Variants in SLC9C1 observed in about 807,000 individuals in gnomAD.
SLC9C1 encodes the protein solute carrier family 9 member C1, also known as sodium/hydrogen exchanger 10.
A neutral mutation model predicts 140.9 loss-of-function variants in SLC9C1; 97 were observed. The ratio of observed to expected loss-of-function variants is 0.69; its 90% CI spans 0.58 to 0.82. The LOEUF is 0.82. Ranked by LOEUF, SLC9C1 falls within the 40% of genes least tolerant of loss-of-function variation. SLC9C1 has a pLI of 0.00. For synonymous variants in SLC9C1, 440 were observed against 442.6 expected, an observed-to-expected ratio of 0.99 and a Z score of 0.07; for missense variants, 1,340 against 1,389.3, an observed-to-expected ratio of 0.96 and a Z score of 0.56.
intron 2 of SLC9C1, among the ~76,000 whole-genome samples, chr3:112,283,944 T>C (rs987147473): frequency 6.6e-6 from 1 of 152,154 alleles, no homozygotes; most frequent in African/African-American, 2.4e-5. Context: ...GTTCAGTTCA[T>C]GCACAGATAG....
At chr3:112,180,726 A>C in intron 21 of SLC9C1, 64 bp from the exon 22 acceptor site, 1 of 1,385,988 alleles carries the variant, frequency 7.2e-7, no homozygotes, top group East Asian at 2.4e-5. Flanking sequence ...GGAATGTTAA[A>C]ATTTGCATTT....
intron 14 of SLC9C1, among the ~76,000 whole-genome samples, chr3:112,219,754 T>C (rs1315628428): frequency 2.0e-5 from 3 of 152,074 alleles, no homozygotes; most frequent in Non-Finnish European, 4.4e-5. Flanking sequence ...AATTTTTTTG[T>C]ATTTTTAGTA....
chr3:112,204,479 C>T (rs887863377), intron 16 of SLC9C1, 76 bp from the exon 17 acceptor site: 1 of 1,455,270 alleles, frequency 6.9e-7, no homozygotes, highest in African/African-American at 1.5e-5. Flanking sequence ...ATAATTTAAA[C>T]ATCATGTTAG....
intron 10 of SLC9C1, among the ~76,000 whole-genome samples, chr3:112,255,896 A>G (rs903834111): frequency 6.6e-6 from 1 of 152,176 alleles, no homozygotes; most frequent in East Asian, 1.9e-4. Context: ...GACAAAGTGT[A>G]TGCTACCACT....
intron 10 of SLC9C1, 24 bp from the exon 11 acceptor site, chr3:112,244,100 T>TATGGTAAAG: frequency 6.9e-7 from 1 of 1,444,070 alleles, no homozygotes; most frequent in Non-Finnish European, 9.6e-7. Context: ...AAATACAAAG[T>TATGGTAAAG]AAGTATTCAT....
chr3:112,151,800 T>C, intron 28 of SLC9C1, 57 bp downstream of exon 28: 1 of 1,408,656 alleles, frequency 7.1e-7, no homozygotes, highest in Non-Finnish European at 9.9e-7. Flanking sequence ...GGCTTCAGTC[T>C]GTATCTCCAG....
At chr3:112,284,987 T>TTTTC (rs1553707436) in intron 2 of SLC9C1, among the ~76,000 whole-genome samples, 7 of 131,072 alleles carry the variant, frequency 5.3e-5, no homozygotes, top group East Asian at 2.2e-4. Flanking sequence ...CAATTTTTCT[T>TTTTC]TTTTTTTTTT....
chr3:112,208,083 CA>C (rs2078105512), intron 16 of SLC9C1, 94 bp downstream of exon 16: 2 of 1,003,726 alleles, frequency 2.0e-6, no homozygotes, highest in South Asian at 4.6e-5. Context: ...TACACTCCTT[CA>C]GAAAATTGTC....
intron 15 of SLC9C1, among the ~76,000 whole-genome samples, chr3:112,211,540 C>A (rs13327160): frequency 7.9e-5 from 12 of 152,016 alleles, no homozygotes; most frequent in African/African-American, 2.9e-4. Flanking sequence ...TCTTAGCAAA[C>A]GGCACACCAG....
chr3:112,271,410 T>TATATATATATATATATATATATATATATA (rs1553704077), intron 6 of SLC9C1, among the ~76,000 whole-genome samples: 3 of 148,226 alleles, frequency 2.0e-5, no homozygotes, highest in Non-Finnish European at 4.5e-5. Flanking sequence ...TATATATATA[T>TATATATATATATATATATATATATATATA]CAAAGCCTCA....
chr3:112,189,454 C>T (rs1315392361), intron 20 of SLC9C1, among the ~76,000 whole-genome samples: 1 of 152,190 alleles, frequency 6.6e-6, no homozygotes, highest in African/African-American at 2.4e-5. Context: ...ATATGGCCAG[C>T]CAGTTTTCCC....
intron 27 of SLC9C1, among the ~76,000 whole-genome samples, chr3:112,153,710 A>G (rs1035891992): frequency 1.3e-5 from 2 of 152,166 alleles, no homozygotes; most frequent in African/African-American, 2.4e-5. Context: ...TCTTTTATAG[A>G]TGAAAAAATG....
chr3:112,229,365 G>A (rs12491362), intron 13 of SLC9C1, among the ~76,000 whole-genome samples: 90,295 of 151,806 alleles, frequency 0.59, 27,313 homozygotes, highest in East Asian at 0.79. Flanking sequence ...ATAAAGGTTT[G>A]AAGTGATCTA....
chr3:112,292,174 T>C lies in SLC9C1; in HGVS notation c.-88+1919A>G, dbSNP rs547396045. ...AATAACTAATGGGTGCCAGGCTTAATAGCTGGGTGATTAAATAATTTGTAC... is the reference window on the plus strand; with the variant it reads ...AATAACTAATGGGTGCCAGGCTTAACAGCTGGGTGATTAAATAATTTGTAC... On this transcript the variant is annotated intron_variant, in intron 1 of 28. Coordinates refer to ENST00000305815, the MANE Select transcript of SLC9C1 (RefSeq NM_183061.3). Among the ~76,000 whole-genome samples, 391 of 152,310 alleles carry C rather than the reference T, an allele frequency of 2.6e-3. 1 individual carries two copies. Among genetic ancestry groups the C allele is most frequent in the Non-Finnish European group, 4.6e-3 (312 of 68,020 alleles).
At chr3:112,255,715 G>T (rs1427298821) in intron 10 of SLC9C1, among the ~76,000 whole-genome samples, 1 of 152,056 alleles carries the variant, frequency 6.6e-6, no homozygotes, top group Non-Finnish European at 1.5e-5. Context: ...CAGAAGATAA[G>T]AAATAACCAA....
chr3:112,141,161 C>T lies in SLC9C1; in HGVS notation c.*111G>A. On this transcript the variant is annotated 3_prime_UTR_variant, in exon 29 of 29. Transcript: ENST00000305815. ...TTCTGCTTAGCACCAAGATCATCCA[C>T]ACAGGATCCAACCTGAAGTTACTCC... 8.5e-7 allele frequency: 1 copy of T among 1,176,298 alleles called. No individual in the cohort carries two copies. The highest frequency in any genetic ancestry group is 1.1e-6 in the Non-Finnish European group (1 of 878,144). The allele number at this position is 1,176,298 out of a possible 1,614,324, so 72.9% of individuals were successfully genotyped here.
intron 11 of SLC9C1, among the ~76,000 whole-genome samples, chr3:112,242,672 A>G (rs2079168480): frequency 1.3e-5 from 2 of 152,126 alleles, no homozygotes; most frequent in Admixed American, 1.3e-4. Context: ...AAATAACTAA[A>G]AGAGCACAAT....
chr3:112,281,386 G>A (rs979064672), intron 2 of SLC9C1, among the ~76,000 whole-genome samples: 1 of 152,148 alleles, frequency 6.6e-6, no homozygotes, highest in Non-Finnish European at 1.5e-5. Context: ...GAAACTGGAG[G>A]ATATTGGGAG....
rs535502326 is a variant in SLC9C1, at chr3:112,156,434, T to C, written c.3365-1385A>G. On this transcript the variant is annotated intron_variant, in intron 26 of 28. Transcript: ENST00000305815. Reference sequence around the variant, plus strand: ...TTATCCATTTGTTGATGAACACTTATGTTGATTTCATATCTTGGGTGTTAT... The same window carrying C: ...TTATCCATTTGTTGATGAACACTTACGTTGATTTCATATCTTGGGTGTTAT... Among the ~76,000 whole-genome samples the C allele has an allele frequency of 2.2e-4, 33 of 152,262 alleles. No individual in the cohort carries two copies. The East Asian group carries it at 4.0e-3, about 19-fold the overall frequency.
Sources: allele counts gnomAD v4.1 joint callset (sites outside exome capture counted in the v4.1 genomes callset), GRCh38; gene constraint gnomAD v4.1.1; transcripts MANE v1.5; gene names NCBI Gene and HGNC (gene_info 2026-07-23, HGNC 2026-07-21).